Variants in CIITA observed in about 807,000 individuals in gnomAD.
CIITA encodes MHC class II transactivator.
In CIITA, 72 loss-of-function variants were observed where a neutral mutation model predicts 115.1. The ratio of observed to expected loss-of-function variants is 0.63; its 90% CI spans 0.52 to 0.76. The LOEUF is 0.76. CIITA is among the 30% of genes least tolerant of loss of function. The pLI is 0.00. For synonymous variants in CIITA, 763 were observed against 635.6 expected, an observed-to-expected ratio of 1.20 and a Z score of -3.02; for missense variants, 1,617 against 1,463.8, an observed-to-expected ratio of 1.10 and a Z score of -1.71.
At chr16:10,938,193 A>G (rs2041055641), downstream of CIITA, 2 of 152,082 alleles carry the variant, frequency 1.3e-5, no homozygotes, top group East Asian at 1.9e-4. The surrounding 1 kb of genome is among the most constrained non-coding windows in gnomAD (Gnocchi z 4.9). Flanking sequence ...CATTATTTCC[A>G]TCTTCTAGAA....
At chr16:10,911,384 C>CTG (rs2039565819) in intron 13 of CIITA, among the ~76,000 whole-genome samples, 1 of 90,232 alleles carries the variant, frequency 1.1e-5, no homozygotes, top group Non-Finnish European at 2.5e-5. Context: ...CTTTCTTTCT[C>CTG]TCTCTCTCTC....
At chr16:10,900,739 CAA>C (rs5815603) in intron 5 of CIITA, among the ~76,000 whole-genome samples, 43 of 101,578 alleles carry the variant, frequency 4.2e-4, no homozygotes, top group African/African-American at 9.4e-4. Context: ...GACTCTGTTT[CAA>C]AAAAAAAAAA....
Position 10,906,982 on chromosome 16 carries a change from T to A in CIITA, c.1490T>A (p.Ile497Asn). Reference sequence around the variant, plus strand: ...AAGAGACCTGACCGCGTTCTGCTCATCCTAGACGGCTTCGAGGAGCTGGAA... The same window carrying A: ...AAGAGACCTGACCGCGTTCTGCTCAACCTAGACGGCTTCGAGGAGCTGGAA... ...ILKRPDRVLL[I>N]LDGFEELEAQ... Residue 497 changes from isoleucine (I) to asparagine (N), a missense_variant, in exon 11 of 20, where the codon ATC (isoleucine) becomes AAC (asparagine). Physicochemically the swap from Ile to Asn is moderately radical, Grantham distance 149. Coordinates refer to ENST00000324288, the MANE Select transcript of CIITA (RefSeq NM_000246.4). 1 of 1,611,874 alleles carries A rather than the reference T, an allele frequency of 6.2e-7. No individual in the cohort carries two copies. Among genetic ancestry groups the A allele is most frequent in the Non-Finnish European group, 8.5e-7 (1 of 1,179,878 alleles).
chr16:10,877,580 C>T (rs528660081), intron 1 of CIITA, among the ~76,000 whole-genome samples, 198 bp downstream of exon 1: 56 of 152,300 alleles, frequency 3.7e-4, no homozygotes, highest in African/African-American at 1.2e-3. Flanking sequence ...TTCAGGTCAG[C>T]CAGGTGTCTG....
chr16:10,907,398 A>G lies in CIITA; in HGVS notation c.1906A>G (p.Thr636Ala). 1 of 1,613,092 alleles carries G rather than the reference A, an allele frequency of 6.2e-7. No individual in the cohort carries two copies. Among genetic ancestry groups the G allele is most frequent in the Non-Finnish European group, 8.5e-7 (1 of 1,179,878 alleles). The change falls in exon 11 of 20, where the codon ACG becomes GCG. Residue 636 changes from threonine (T) to alanine (A), a missense_variant. By Grantham distance (58) the Thr-to-Ala change is moderately conservative. Coordinates refer to ENST00000324288, the MANE Select transcript of CIITA (RefSeq NM_000246.4). This position sits in a 1 kb window ranked among gnomAD's most constrained non-coding sequence, Gnocchi z 5.0. ...TGGGGAGGACGCCAAGCTGCCCTCC[A>G]CGCTCACGGGACTCTATGTCGGCCT... is the stretch of plus-strand genomic sequence containing the variant. ...ELGEDAKLPS[T>A]LTGLYVGLLG...
chr16:10,867,796 C>A (rs1879533622), intron 1 of CIITA, among the ~76,000 whole-genome samples: 1 of 152,168 alleles, frequency 6.6e-6, no homozygotes. Context: ...TGTTCTCTTG[C>A]CCAGGCTGGA....
chr16:10,923,038 C>A lies in CIITA; in HGVS notation c.3318-190C>A. On this transcript the variant is annotated intron_variant, in intron 18 of 19. Transcript: ENST00000324288. The surrounding 1 kb of genome is among the most constrained non-coding windows in gnomAD (Gnocchi z 5.2). ...GTCACACAGCAAGTCAGCTGCAGAA[C>A]CATAAAGGAATCTCGGGCCTCCTAG... 1 of 620,260 alleles carries A rather than the reference C, an allele frequency of 1.6e-6. No homozygotes were observed. The highest frequency in any genetic ancestry group is 1.9e-5 in the South Asian group (1 of 53,834). The allele number at this position is 620,260 out of a possible 1,614,324, so 38.4% of individuals were successfully genotyped here.
At position 10,918,524 on chromosome 16, in the gene CIITA, A is replaced by G. The variant is rs2040086121; in HGVS notation, c.3147A>G (p.Leu1049=). The part of the protein sequence containing the change: ...LPSLAASLLR[L]SLYNNCICDV... The stretch of plus-strand genomic sequence containing the variant: ...CGCTCGCTGCATCCCTGCTCAGGCT[A>G]AGGTGAGTGGGGCCCCGGATACCGG... Residue 1049 remains leucine (L), a splice_region_variant and synonymous_variant, in exon 16 of 20, where the codon CTA becomes CTG. Coordinates refer to ENST00000324288, the MANE Select transcript of CIITA (RefSeq NM_000246.4). The G allele has an allele frequency of 5.0e-6, 8 of 1,613,990 alleles. No homozygotes were observed. The highest frequency in any genetic ancestry group is 6.8e-6 in the Non-Finnish European group (8 of 1,179,968).
In CIITA at chr16:10,901,329, G is replaced by A. The variant is rs533169698; in HGVS notation, c.437-185G>A. On this transcript the variant is annotated intron_variant, in intron 5 of 19. Transcript: ENST00000324288. This position sits in a 1 kb window ranked among gnomAD's most constrained non-coding sequence, Gnocchi z 6.8. ...GCTGCTACACTGCCTGGTATGGTTT[G>A]AGATGGGGTTTGGGTTCAAGCCAAG... 6.6e-6 allele frequency among the ~76,000 whole-genome samples: 1 copy of A among 152,258 alleles called. No individual in the cohort carries two copies. Among genetic ancestry groups the A allele is most frequent in the South Asian group, 2.1e-4 (1 of 4,818 alleles).
At chr16:10,873,974 GTTTTGT>G (rs561414679), upstream of CIITA, among the ~76,000 whole-genome samples, 2 of 152,106 alleles carry the variant, frequency 1.3e-5, no homozygotes, top group Non-Finnish European at 2.9e-5. Flanking sequence ...GTTTTGTTGT[GTTTTGT>G]TTTTGTTTTT....
At chr16:10,869,167 C>T (rs1360459661) in intron 1 of CIITA, among the ~76,000 whole-genome samples, 1 of 152,230 alleles carries the variant, frequency 6.6e-6, no homozygotes, top group African/African-American at 2.4e-5. Flanking sequence ...GCTGCACTGG[C>T]TCCCACGTTA....
intron 3 of CIITA, among the ~76,000 whole-genome samples, chr16:10,897,134 A>T (rs1321932620): frequency 6.6e-6 from 1 of 152,236 alleles, no homozygotes; most frequent in Non-Finnish European, 1.5e-5. Flanking sequence ...TGCTTAAAAC[A>T]ACATACCTGA....
intron 11 of CIITA, chr16:10,908,742 C>T: frequency 1.7e-6 from 1 of 587,830 alleles, no homozygotes; most frequent in South Asian, 2.0e-5. Flanking sequence ...ATATTTCCCC[C>T]TAAACATACT....
intron 1 of CIITA, among the ~76,000 whole-genome samples, chr16:10,886,916 G>T (rs887178439): frequency 1.3e-5 from 2 of 152,178 alleles, no homozygotes; most frequent in African/African-American, 2.4e-5. Flanking sequence ...TATCATCTGG[G>T]TCTACATTGC....
At position 10,907,125 on chromosome 16, in the gene CIITA, C is replaced by T. The variant is rs933208306; in HGVS notation, c.1633C>T (p.Leu545Phe). ...KKLLRGCTLL[L>F]TARPRGRLVQ... Reference sequence around the variant, plus strand: ...GCTGCTCCGAGGTTGCACCCTCCTCCTCACAGCCCGGCCCCGGGGCCGCCT... The same window carrying T: ...GCTGCTCCGAGGTTGCACCCTCCTCTTCACAGCCCGGCCCCGGGGCCGCCT... The change falls in exon 11 of 20, where the codon CTC becomes TTC. Residue 545 changes from leucine to phenylalanine, a missense_variant. Coordinates refer to ENST00000324288, the MANE Select transcript of CIITA (RefSeq NM_000246.4). This position sits in a 1 kb window ranked among gnomAD's most constrained non-coding sequence, Gnocchi z 5.0. 8 of 1,612,034 alleles carry T rather than the reference C, an allele frequency of 5.0e-6. No homozygotes were observed. Among genetic ancestry groups the T allele is most frequent in the Non-Finnish European group, 6.8e-6 (8 of 1,179,800 alleles).
rs2145169850 is a variant in CIITA, at chr16:10,923,153, G to T, written c.3318-75G>T. The T allele has an allele frequency of 8.2e-7, 1 of 1,222,026 alleles. No individual in the cohort carries two copies. The highest frequency in any genetic ancestry group is 2.3e-5 in the East Asian group (1 of 43,120). The allele number at this position is 1,222,026 out of a possible 1,614,324, so 75.7% of individuals were successfully genotyped here. On this transcript the variant is annotated intron_variant, in intron 18 of 19. Transcript: ENST00000324288. The surrounding 1 kb of genome is among the most constrained non-coding windows in gnomAD (Gnocchi z 5.2). ...CTAGGCTGGGTGGAAGGAGGGATTTGGGGGCAGCTGTCACTGGGGCCCCAG... is the reference window on the plus strand; with the variant it reads ...CTAGGCTGGGTGGAAGGAGGGATTTTGGGGCAGCTGTCACTGGGGCCCCAG...
intron 12 of CIITA, among the ~76,000 whole-genome samples, chr16:10,909,854 C>T (rs939261208): frequency 6.6e-6 from 1 of 152,144 alleles, no homozygotes; most frequent in African/African-American, 2.4e-5. Context: ...CCTGCCTCAG[C>T]CTCCCAAGTA....
chr16:10,869,097 T>C (rs952186481), intron 1 of CIITA, among the ~76,000 whole-genome samples: 2 of 152,018 alleles, frequency 1.3e-5, no homozygotes, highest in Non-Finnish European at 1.5e-5. Context: ...CCATGTGGGG[T>C]TTTTGTGACC....
intron 15 of CIITA, among the ~76,000 whole-genome samples, chr16:10,917,507 A>G (rs1474761553): frequency 2.9e-4 from 35 of 122,026 alleles, no homozygotes; most frequent in African/African-American, 9.8e-4. Flanking sequence ...TTTGACACGG[A>G]GTCTCGCTCT....
Sources: allele counts gnomAD v4.1 joint callset (sites outside exome capture counted in the v4.1 genomes callset), GRCh38; gene constraint gnomAD v4.1.1; non-coding constraint Gnocchi (gnomAD v3.1); transcripts MANE v1.5; gene names NCBI Gene and HGNC (gene_info 2026-07-23, HGNC 2026-07-21).